MAN1C1: variants seen among roughly 807,000 people sequenced by gnomAD.
MAN1C1 encodes the protein mannosidase alpha class 1C member 1, also known as mannosyl-oligosaccharide 1,2-alpha-mannosidase IC.
A neutral mutation model predicts 71.5 loss-of-function variants in MAN1C1; 49 were observed. That is an observed-to-expected ratio of 0.69 (90% CI 0.54 to 0.87). The LOEUF (loss-of-function observed/expected upper bound fraction) is 0.87, where lower values mean the gene tolerates loss of function less well. MAN1C1 is among the 40% of genes least tolerant of loss of function. The pLI is 0.00. For missense variants in MAN1C1, 743 were observed against 835.0 expected, an observed-to-expected ratio of 0.89 and a Z score of 1.36; for synonymous variants, 352 against 343.7, an observed-to-expected ratio of 1.02 and a Z score of -0.27.
chr1:25,670,914 T>C (rs549148862), intron 1 of MAN1C1, among the ~76,000 whole-genome samples: 43 of 152,204 alleles, frequency 2.8e-4, no homozygotes, highest in Non-Finnish European at 5.9e-5. Context: ...TCTTACTCTG[T>C]CACCCAGGCT....
chr1:25,731,055 G>A (rs2046902288), intron 2 of MAN1C1, among the ~76,000 whole-genome samples: 1 of 152,240 alleles, frequency 6.6e-6, no homozygotes, highest in Non-Finnish European at 1.5e-5. Flanking sequence ...GGTGGCTCAT[G>A]CCTGTAATCC....
intron 1 of MAN1C1, among the ~76,000 whole-genome samples, chr1:25,683,570 A>G (rs2046185093): frequency 1.3e-5 from 2 of 151,590 alleles, no homozygotes; most frequent in African/African-American, 4.8e-5. Flanking sequence ...GAATGTGGGA[A>G]GGATGACTTC....
At chr1:25,643,149 TGG>T (rs2045559753) in intron 1 of MAN1C1, among the ~76,000 whole-genome samples, 1 of 152,070 alleles carries the variant, frequency 6.6e-6, no homozygotes, top group South Asian at 2.1e-4. Context: ...GGGACGGGGT[TGG>T]GGAGGGACCT....
intron 1 of MAN1C1, among the ~76,000 whole-genome samples, chr1:25,639,442 C>CT (rs1476871743): frequency 3.9e-5 from 6 of 152,156 alleles, no homozygotes; most frequent in Non-Finnish European, 7.4e-5. Context: ...GTGGATGCTA[C>CT]TTTTTTGAGA....
intron 1 of MAN1C1, among the ~76,000 whole-genome samples, chr1:25,662,857 C>T (rs930580532): frequency 1.3e-4 from 20 of 152,076 alleles, no homozygotes; most frequent in African/African-American, 3.6e-4. Flanking sequence ...GTTAGGAGTT[C>T]GAGATAAGCC....
chr1:25,648,585 T>C (rs1050283258), intron 1 of MAN1C1, among the ~76,000 whole-genome samples: 1 of 152,204 alleles, frequency 6.6e-6, no homozygotes, highest in African/African-American at 2.4e-5. Flanking sequence ...GCCCCATCTG[T>C]CCCTGCCCTT....
intron 6 of MAN1C1, among the ~76,000 whole-genome samples, chr1:25,763,422 G>C (rs1281047957): frequency 6.9e-6 from 1 of 145,934 alleles, no homozygotes. Flanking sequence ...CTGGGAGGCA[G>C]AGGTTGCAGT....
At chr1:25,721,450 T>C (rs771748444) in intron 2 of MAN1C1, among the ~76,000 whole-genome samples, 3 of 152,248 alleles carry the variant, frequency 2.0e-5, no homozygotes, top group Non-Finnish European at 4.4e-5. Flanking sequence ...AGATCTTCTT[T>C]AATTTCCCTC....
At chr1:25,698,547 G>A (rs1367661716) in intron 2 of MAN1C1, among the ~76,000 whole-genome samples, 1 of 152,172 alleles carries the variant, frequency 6.6e-6, no homozygotes, top group African/African-American at 2.4e-5. Context: ...GGCCAGTGAG[G>A]AGACAGACGC....
intron 2 of MAN1C1, among the ~76,000 whole-genome samples, chr1:25,705,095 G>A (rs918284815): frequency 2.6e-5 from 4 of 152,014 alleles, no homozygotes; most frequent in African/African-American, 4.8e-5. Flanking sequence ...AAAATTACTC[G>A]ATCCGTTTTT....
At chr1:25,732,409 T>A (rs987723903) in intron 2 of MAN1C1, among the ~76,000 whole-genome samples, 11 of 152,282 alleles carry the variant, frequency 7.2e-5, no homozygotes, top group African/African-American at 2.6e-4. Flanking sequence ...TCATCAGCCC[T>A]GGGAGGTTTA....
chr1:25,621,464 T>C (rs1425567268), intron 1 of MAN1C1, among the ~76,000 whole-genome samples: 1 of 152,118 alleles, frequency 6.6e-6, no homozygotes, highest in Non-Finnish European at 1.5e-5. Flanking sequence ...GGGGATGTCA[T>C]TCATAGGCGG....
chr1:25,754,662 C>A (rs2047261499), intron 5 of MAN1C1, among the ~76,000 whole-genome samples: 1 of 150,636 alleles, frequency 6.6e-6, no homozygotes, highest in Admixed American at 6.8e-5. Context: ...AGAGACACAG[C>A]CAGCTGTCAT....
intron 1 of MAN1C1, among the ~76,000 whole-genome samples, chr1:25,655,530 A>G (rs1233185532): frequency 1.3e-5 from 2 of 152,212 alleles, no homozygotes; most frequent in Non-Finnish European, 2.9e-5. Flanking sequence ...TGACAAGCAC[A>G]AATGGAAAAC....
chr1:25,640,288 TCTTA>T (rs2045519454), intron 1 of MAN1C1, among the ~76,000 whole-genome samples: 1 of 152,212 alleles, frequency 6.6e-6, no homozygotes, highest in African/African-American at 2.4e-5. Flanking sequence ...GTTTTAAGTC[TCTTA>T]CTTAAGATCC....
chr1:25,747,446 A>G (rs2047145811), intron 3 of MAN1C1, among the ~76,000 whole-genome samples: 1 of 152,202 alleles, frequency 6.6e-6, no homozygotes, highest in Admixed American at 6.5e-5. Context: ...CCCAGAGGGG[A>G]GCTCCCCACG....
chr1:25,675,446 A>G (rs11247592), intron 1 of MAN1C1, among the ~76,000 whole-genome samples: 13,474 of 152,214 alleles, frequency 0.089, 1,345 homozygotes, highest in East Asian at 0.23. Flanking sequence ...GTAGTATTCC[A>G]TGGTGTATAT....
chr1:25,694,768 GT>G (rs2046349146), intron 2 of MAN1C1, among the ~76,000 whole-genome samples: 1 of 152,184 alleles, frequency 6.6e-6, no homozygotes, highest in African/African-American at 2.4e-5. Context: ...CAGATAGATA[GT>G]TTGTGAAAAC....
At chr1:25,759,731 T>C (rs1557796242) in intron 6 of MAN1C1, 3 of 152,190 alleles carry the variant, frequency 2.0e-5, no homozygotes, top group South Asian at 4.1e-4. Flanking sequence ...TATGCATTCA[T>C]GTGCTTTTTG....
Sources: allele counts gnomAD v4.1 joint callset (sites outside exome capture counted in the v4.1 genomes callset), GRCh38; gene constraint gnomAD v4.1.1; transcripts MANE v1.5; gene names NCBI Gene and HGNC (gene_info 2026-07-23, HGNC 2026-07-21).